Variants in SORL1 observed in about 807,000 individuals in gnomAD.
The protein encoded by SORL1 is sortilin-related receptor.
SORL1 carries 127 observed loss-of-function variants against 273.7 expected under a neutral mutation model. The ratio of observed to expected loss-of-function variants is 0.46; its 90% CI spans 0.40 to 0.54. The LOEUF is 0.54. Ranked by LOEUF, SORL1 falls within the 20% of genes least tolerant of loss-of-function variation. The probability of loss-of-function intolerance (pLI) is 0.00; values close to 1 mark genes in which losing one functional copy is unlikely to be tolerated. For synonymous variants in SORL1, 1,031 were observed against 1,067.4 expected, an observed-to-expected ratio of 0.97 and a Z score of 0.66; for missense variants, 2,494 against 2,846.1, an observed-to-expected ratio of 0.88 and a Z score of 2.81.
At chr11:121,457,408 A>G (rs1212400960) in intron 1 of SORL1, among the ~76,000 whole-genome samples, 1 of 152,154 alleles carries the variant, frequency 6.6e-6, no homozygotes, top group Non-Finnish European at 1.5e-5. Flanking sequence ...CGTTGTTATC[A>G]ATATTTTTGT....
intron 41 of SORL1, among the ~76,000 whole-genome samples, chr11:121,615,548 C>T (rs1462529364): frequency 6.6e-6 from 1 of 152,112 alleles, no homozygotes; most frequent in Non-Finnish European, 1.5e-5. Context: ...ACCTTCCTAA[C>T]TAGTTTGTAA....
chr11:121,475,115 G>A (rs1296349036), intron 2 of SORL1, among the ~76,000 whole-genome samples: 2 of 152,110 alleles, frequency 1.3e-5, no homozygotes, highest in Non-Finnish European at 2.9e-5. Context: ...GGGCATGGTG[G>A]CGCCTGCCTG....
chr11:121,568,888 C>T (rs1862792407), intron 22 of SORL1, among the ~76,000 whole-genome samples: 1 of 152,204 alleles, frequency 6.6e-6, no homozygotes, highest in South Asian at 2.1e-4. Context: ...TAGTATGGGA[C>T]ATTTCCTTCC....
chr11:121,478,789 C>T (rs910173435), intron 3 of SORL1, among the ~76,000 whole-genome samples: 18 of 140,750 alleles, frequency 1.3e-4, no homozygotes, highest in African/African-American at 3.5e-4. Flanking sequence ...CTTGTGTGCG[C>T]GTGAGTACCT....
chr11:121,629,658 T>A lies in SORL1; in HGVS notation c.*95T>A. On this transcript the variant is annotated 3_prime_UTR_variant, in exon 48 of 48. Coordinates refer to ENST00000260197, the MANE Select transcript of SORL1 (RefSeq NM_003105.6). Reference sequence around the variant, plus strand: ...TTAAAAGATGCACTTTGAGTTGCAATATGTTATTTTTATATGGGCCAAAAA... The same window carrying A: ...TTAAAAGATGCACTTTGAGTTGCAAAATGTTATTTTTATATGGGCCAAAAA... The A allele has an allele frequency of 3.2e-6, 2 of 624,146 alleles. No homozygotes were observed. Among genetic ancestry groups the A allele is most frequent in the South Asian group, 2.0e-5 (1 of 48,868 alleles). 38.7% of individuals were successfully genotyped at this position (624,146 alleles called of 1,614,324 possible).
chr11:121,588,505 A>G (rs536424627), intron 28 of SORL1, among the ~76,000 whole-genome samples: 22 of 152,296 alleles, frequency 1.4e-4, no homozygotes, highest in African/African-American at 5.3e-4. Flanking sequence ...AGCGTGCCGT[A>G]GCCCCTTACC....
At chr11:121,605,062 C>G in intron 33 of SORL1, 51 bp from the exon 34 acceptor site, 3 of 1,552,330 alleles carry the variant, frequency 1.9e-6, no homozygotes, top group Non-Finnish European at 2.6e-6. Flanking sequence ...TGAGCCACCA[C>G]GCCCAGCCAA....
rs989479456 is a variant in SORL1, at chr11:121,504,429, A to G, written c.939+7380A>G. ...TCTGTCTCAAAAAAAAAAATTTCCT[A>G]AGTATTCTTTTTGGCTCCATTGTAA... On this transcript the variant is annotated intron_variant, in intron 6 of 47. Transcript: ENST00000260197. Among the ~76,000 whole-genome samples, 7 of 152,206 alleles carry G rather than the reference A, an allele frequency of 4.6e-5. No individual in the cohort carries two copies. The East Asian group carries it at 1.4e-3, about 29-fold the overall frequency.
At chr11:121,580,898 C>A (rs942051560) in intron 25 of SORL1, among the ~76,000 whole-genome samples, 6 of 151,620 alleles carry the variant, frequency 4.0e-5, no homozygotes, top group East Asian at 3.9e-4. Flanking sequence ...AGCTACTGCA[C>A]CTGGTCCCCT....
chr11:121,544,823 G>A (rs999410904), intron 13 of SORL1, among the ~76,000 whole-genome samples: 5 of 152,094 alleles, frequency 3.3e-5, no homozygotes, highest in African/African-American at 7.2e-5. Context: ...CATTGCCTTC[G>A]GGCCACACTA....
intron 3 of SORL1, among the ~76,000 whole-genome samples, chr11:121,485,664 T>C (rs1253253256): frequency 2.6e-5 from 4 of 152,222 alleles, no homozygotes; most frequent in Non-Finnish European, 5.9e-5. Context: ...AACAGATTTC[T>C]GGGGAAATCT....
intron 11 of SORL1, among the ~76,000 whole-genome samples, chr11:121,531,137 A>T (rs1862196494): frequency 6.6e-6 from 1 of 152,216 alleles, no homozygotes; most frequent in Non-Finnish European, 1.5e-5. Context: ...TCATGCCTAT[A>T]ATCCCAGCAC....
chr11:121,593,323 T>C (rs1421175478), intron 31 of SORL1, among the ~76,000 whole-genome samples: 3 of 152,262 alleles, frequency 2.0e-5, no homozygotes, highest in Non-Finnish European at 4.4e-5. Context: ...TAATTGCTTT[T>C]TTCATTTGTT....
At position 121,628,000 on chromosome 11, in the gene SORL1, A is replaced by G. The variant is rs968304602; in HGVS notation, c.6577+233A>G. Among the ~76,000 whole-genome samples, 1 of 152,188 alleles carries G rather than the reference A, an allele frequency of 6.6e-6. No homozygotes were observed. The highest frequency in any genetic ancestry group is 2.4e-5 in the African/African-American group (1 of 41,448). On this transcript the variant is annotated intron_variant, in intron 47 of 47. Transcript: ENST00000260197. The surrounding 1 kb of genome is among the most constrained non-coding windows in gnomAD (Gnocchi z 4.9). ...TTTGATTGTGTAGTTCTGGCCTGAA[A>G]CAGGGAGCTTGCCCCAGGCCTTGAG...
rs749281680 is a variant in SORL1 at position 121,554,008 on chromosome 11, G to A, written c.2338G>A (p.Glu780Lys). The A allele has an allele frequency of 4.0e-5, 64 of 1,614,164 alleles. No homozygotes were observed. Among genetic ancestry groups the A allele is most frequent in the Non-Finnish European group, 4.2e-5 (50 of 1,180,002 alleles). Residue 780 changes from glutamate (E) to lysine (K), a missense_variant, in exon 17 of 48, where the codon GAG becomes AAG. Glu to Lys is a moderately conservative substitution (Grantham distance 56). Coordinates refer to ENST00000260197, the MANE Select transcript of SORL1 (RefSeq NM_003105.6). The surrounding 1 kb of genome is among the most constrained non-coding windows in gnomAD (Gnocchi z 4.6). ...CTATGACCTGGCCTCGGGAGCCACC[G>A]AGCAGTTGCCTCTCACCGGGCTACG... ...YRYDLASGAT[E>K]QLPLTGLRAA...
rs1253661438 is a variant in SORL1 at position 121,631,308 on chromosome 11, T to C, written c.*1745T>C. ...TAGGACTGTATTTCATGTTAACAAC[T>C]GGTGGTAATGATAAGCCTTCTTCTA... On this transcript the variant is annotated 3_prime_UTR_variant, in exon 48 of 48. Transcript: ENST00000260197. The C allele has an allele frequency of 6.6e-6, 1 of 152,196 alleles. No homozygotes were observed. Among genetic ancestry groups the C allele is most frequent in the Non-Finnish European group, 1.5e-5 (1 of 68,040 alleles). 9.4% of individuals were successfully genotyped at this position (152,196 alleles called of 1,614,324 possible).
rs138407235 is a variant in SORL1, at chr11:121,577,399, C to T, written c.3579C>T (p.Thr1193=). The T allele has an allele frequency of 4.9e-5, 78 of 1,597,472 alleles. 1 individual carries two copies. The Middle Eastern group carries it at 1.0e-3, about 21-fold the overall frequency. The part of the protein sequence containing the change: ...CRDWSDEANC[T]AIYHTCEASN... ...ACTGGTCTGATGAAGCCAACTGTAC[C>T]GGTCAGTACTTCCTGGACTCAGTTG... The change falls in exon 25 of 48, where the codon ACC becomes ACT. Residue 1193 remains threonine (T), a splice_region_variant and synonymous_variant. Transcript: ENST00000260197.
chr11:121,557,958 A>G lies in SORL1; in HGVS notation c.2663+553A>G, dbSNP rs1218872067. The stretch of plus-strand genomic sequence containing the variant: ...ATTGGCACAATTTTTTTCAAGGAAA[A>G]TTCTAAGAGTAATGTATGTACTTGG... On this transcript the variant is annotated intron_variant, in intron 19 of 47. Transcript: ENST00000260197. 6.6e-5 allele frequency among the ~76,000 whole-genome samples: 10 copies of G among 152,230 alleles called. No individual in the cohort carries two copies. In the East Asian group the frequency reaches 1.9e-3, roughly 29 times the overall value.
At chr11:121,588,244 C>A in intron 28 of SORL1, 93 bp downstream of exon 28, 1 of 1,441,482 alleles carries the variant, frequency 6.9e-7, no homozygotes, top group Non-Finnish European at 9.6e-7. Flanking sequence ...TATTTAATAA[C>A]TGACAGGTCT....
Sources: allele counts gnomAD v4.1 joint callset (sites outside exome capture counted in the v4.1 genomes callset), GRCh38; gene constraint gnomAD v4.1.1; non-coding constraint Gnocchi (gnomAD v3.1); transcripts MANE v1.5; gene names NCBI Gene and HGNC (gene_info 2026-07-23, HGNC 2026-07-21).